RNF130: variants seen among roughly 807,000 people sequenced by gnomAD.
RNF130 encodes ring finger protein 130.
Under a neutral mutation model 44.6 loss-of-function variants are expected in RNF130, and 21 were observed. That is an observed-to-expected ratio of 0.47 (90% CI 0.33 to 0.68). The LOEUF (loss-of-function observed/expected upper bound fraction) is 0.68, where lower values mean the gene tolerates loss of function less well. Ranked by LOEUF, RNF130 falls within the 30% of genes least tolerant of loss-of-function variation. RNF130 has a pLI of 0.02. For synonymous variants in RNF130, 214 were observed against 210.4 expected, an observed-to-expected ratio of 1.02 and a Z score of -0.15; for missense variants, 479 against 560.6, an observed-to-expected ratio of 0.85 and a Z score of 1.47.
In RNF130 at chr5:179,935,516, G is replaced by GTGT. The variant is rs1491546119; in HGVS notation, c.1151-15093_1151-15091dup. On this transcript the variant is annotated intron_variant, in intron 7 of 7. Transcript: ENST00000522208. ...CTTTTCATTAAAGATATGTCAGCAC[G>GTGT]TGTGTGTGTGTGTGTGTATACATTT... 6.6e-5 allele frequency among the ~76,000 whole-genome samples: 3 copies of GTGT among 45,258 alleles called. No homozygotes were observed. The Admixed American group carries it at 1.2e-3, about 18-fold the overall frequency. The allele number at this position is 45,258 out of a possible 152,430, so 29.7% of individuals were successfully genotyped here.
At chr5:179,940,286 T>C (rs369064191) in intron 7 of RNF130, among the ~76,000 whole-genome samples, 1 of 151,826 alleles carries the variant, frequency 6.6e-6, no homozygotes. Context: ...TGGGGTGCGA[T>C]CTCGGCTCAC....
Position 180,071,550 on chromosome 5 carries a change from CG to C in RNF130, c.152del (p.Pro51ArgfsTer80). 2 of 1,416,688 alleles carry C rather than the reference CG, an allele frequency of 1.4e-6. No homozygotes were observed. Among genetic ancestry groups the C allele is most frequent in the Non-Finnish European group, 9.3e-7 (1 of 1,077,120 alleles). The allele number at this position is 1,416,688 out of a possible 1,614,324, so 87.8% of individuals were successfully genotyped here. ...VTVQEPGRGA[P>X]LTFRIDRGRY... The stretch of plus-strand genomic sequence containing the variant: ...GCCCGCGGTCGATGCGAAACGTGAG[CG>C]GGGCGCCGCGGCCGGGCTCCTGCAC... On this transcript the variant is annotated frameshift_variant, in exon 1 of 9. Coordinates refer to ENST00000521389, the MANE Select transcript of RNF130 (RefSeq NM_018434.6). LOFTEE classifies it high-confidence loss of function.
At chr5:180,060,740 A>AT (rs948423546) in intron 1 of RNF130, among the ~76,000 whole-genome samples, 17 of 152,164 alleles carry the variant, frequency 1.1e-4, no homozygotes, top group African/African-American at 4.1e-4. Flanking sequence ...ATCAAAGGGG[A>AT]TCTATAAAGC....
intron 1 of RNF130, among the ~76,000 whole-genome samples, chr5:180,052,185 G>A (rs758906233): frequency 2.0e-4 from 30 of 152,046 alleles, no homozygotes; most frequent in Admixed American, 3.3e-4. Context: ...CCCTGCCTTC[G>A]ACTACCACCT....
chr5:179,936,029 T>G (rs2113679490), intron 7 of RNF130, among the ~76,000 whole-genome samples: 1 of 152,360 alleles, frequency 6.6e-6, no homozygotes, highest in South Asian at 2.1e-4. Flanking sequence ...TTACTCTTCC[T>G]GCATCTCCGT....
rs138819997 is a variant in RNF130, at chr5:179,956,757, C to T, written c.1245-1088G>A. On this transcript the variant is annotated intron_variant, in intron 8 of 8. Coordinates refer to ENST00000521389, the MANE Select transcript of RNF130 (RefSeq NM_018434.6). ...CAGGCATGACCCAGAAGGGCCTTTGCGTACTCCCTCACTCTCCAGCCACAT... is the reference window on the plus strand; with the variant it reads ...CAGGCATGACCCAGAAGGGCCTTTGTGTACTCCCTCACTCTCCAGCCACAT... Among the ~76,000 whole-genome samples, 61 of 152,326 alleles carry T rather than the reference C, an allele frequency of 4.0e-4. 1 individual carries two copies. The East Asian group carries it at 0.011, about 27-fold the overall frequency.
At chr5:179,928,500 T>A (rs74826507) in intron 7 of RNF130, among the ~76,000 whole-genome samples, 50 of 152,320 alleles carry the variant, frequency 3.3e-4, no homozygotes, top group African/African-American at 1.2e-3. Context: ...CTCTGAAATG[T>A]CTCTTTGTTT....
At chr5:180,064,702 G>A (rs1267212431) in intron 1 of RNF130, among the ~76,000 whole-genome samples, 1 of 152,128 alleles carries the variant, frequency 6.6e-6, no homozygotes, top group Non-Finnish European at 1.5e-5. Flanking sequence ...TGAATACACT[G>A]ACTCCCTCGC....
At chr5:179,920,795 A>ATATATT (rs1554099383) in intron 7 of RNF130, among the ~76,000 whole-genome samples, 1 of 143,432 alleles carries the variant, frequency 7.0e-6, no homozygotes, top group African/African-American at 2.6e-5. Context: ...ATATATATAT[A>ATATATT]TTTTTTTTTT....
intron 7 of RNF130, among the ~76,000 whole-genome samples, chr5:179,945,533 T>C (rs77343601): frequency 4.6e-5 from 7 of 152,272 alleles, no homozygotes; most frequent in Non-Finnish European, 1.0e-4. Flanking sequence ...ACGTTGCTGT[T>C]ACAGTGACTT....
intron 2 of RNF130, among the ~76,000 whole-genome samples, chr5:180,032,265 C>CA (rs1764147052): frequency 6.6e-6 from 1 of 152,098 alleles, no homozygotes; most frequent in Admixed American, 6.5e-5. Context: ...ACTTCTTGTT[C>CA]AAAATCACAG....
intron 2 of RNF130, among the ~76,000 whole-genome samples, chr5:180,025,703 T>A (rs1763969235): frequency 6.6e-6 from 1 of 152,220 alleles, no homozygotes; most frequent in South Asian, 2.1e-4. Flanking sequence ...GGCAAAAATA[T>A]AAATGCAATT....
At chr5:179,946,667 C>T (rs538639818) in intron 7 of RNF130, among the ~76,000 whole-genome samples, 32 of 152,020 alleles carry the variant, frequency 2.1e-4, no homozygotes, top group African/African-American at 7.2e-4. Flanking sequence ...CATTCTCCTG[C>T]CTCAGCCTCC....
chr5:180,052,441 A>G (rs1764708363), intron 1 of RNF130, among the ~76,000 whole-genome samples: 1 of 152,246 alleles, frequency 6.6e-6, no homozygotes, highest in Admixed American at 6.5e-5. Context: ...GCTGCCACAC[A>G]TAGGGACACA....
intron 1 of RNF130, among the ~76,000 whole-genome samples, chr5:180,041,653 C>T (rs529577260): frequency 1.3e-3 from 192 of 152,298 alleles, no homozygotes; most frequent in African/African-American, 4.4e-3. Flanking sequence ...AGACTGCTGG[C>T]GCACAGTGGC....
downstream of RNF130, among the ~76,000 whole-genome samples, chr5:179,954,716 T>C (rs116714127): frequency 4.8e-3 from 736 of 152,320 alleles, 9 homozygotes; most frequent in African/African-American, 0.017. Context: ...GCATGTGAAT[T>C]ACATTTTGAT....
At chr5:180,007,115 T>G (rs964311030) in intron 3 of RNF130, among the ~76,000 whole-genome samples, 7 of 152,160 alleles carry the variant, frequency 4.6e-5, no homozygotes, top group African/African-American at 1.7e-4. Flanking sequence ...TAACAGTTTG[T>G]GGGGGCCAGG....
chr5:179,969,731 T>C (rs1387374861), intron 6 of RNF130, among the ~76,000 whole-genome samples: 1 of 152,168 alleles, frequency 6.6e-6, no homozygotes, highest in Non-Finnish European at 1.5e-5. Flanking sequence ...GGCTCACGCC[T>C]GTAACCCCAG....
intron 7 of RNF130, among the ~76,000 whole-genome samples, chr5:179,946,556 T>A (rs1235074232): frequency 1.4e-5 from 2 of 144,848 alleles, no homozygotes; most frequent in Non-Finnish European, 3.0e-5. Flanking sequence ...CACCGGGGAT[T>A]TTTTTTTTTT....
Sources: allele counts gnomAD v4.1 joint callset (sites outside exome capture counted in the v4.1 genomes callset), GRCh38; gene constraint gnomAD v4.1.1; transcripts MANE v1.5; gene names NCBI Gene and HGNC (gene_info 2026-07-23, HGNC 2026-07-21).